MDN1: variants seen among roughly 807,000 people sequenced by gnomAD.
MDN1 encodes midasin.
A neutral mutation model predicts 669.2 loss-of-function variants in MDN1; 266 were observed. The observed-to-expected ratio is 0.40, with a 90% CI of 0.36 to 0.44. MDN1 has a LOEUF of 0.44. Ranked by LOEUF, MDN1 falls within the 20% of genes least tolerant of loss-of-function variation. The pLI is 1.00. For synonymous variants in MDN1, 2,385 were observed against 2,457.1 expected (o/e 0.97, Z 0.87); for missense variants, 5,940 against 6,754.0 (o/e 0.88, Z 4.22).
At chr6:89,744,566 C>T (rs1431004129) in intron 29 of MDN1, among the ~76,000 whole-genome samples, 1 of 152,020 alleles carries the variant, frequency 6.6e-6, no homozygotes, top group African/African-American at 2.4e-5. Flanking sequence ...ACACAACCAG[C>T]TAATTTTTGT....
intron 15 of MDN1, among the ~76,000 whole-genome samples, chr6:89,766,804 C>A (rs1282619087): frequency 6.6e-6 from 1 of 152,216 alleles, no homozygotes; most frequent in Non-Finnish European, 1.5e-5. Flanking sequence ...AAATTGCATG[C>A]TCCTGCCATA....
intron 64 of MDN1, 108 bp downstream of exon 64, chr6:89,690,561 AATAC>A: frequency 7.4e-7 from 1 of 1,355,400 alleles, no homozygotes; most frequent in South Asian, 1.4e-5. Flanking sequence ...CAGTCTCTAA[AATAC>A]ATACATACAG....
chr6:89,713,055 G>T, intron 47 of MDN1, 93 bp downstream of exon 47: 1 of 1,389,966 alleles, frequency 7.2e-7, no homozygotes. Context: ...AACTCTCTTA[G>T]GTCACTGGGT....
intron 11 of MDN1, among the ~76,000 whole-genome samples, chr6:89,778,777 T>G (rs1163966700): frequency 3.3e-5 from 5 of 151,464 alleles, no homozygotes; most frequent in African/African-American, 1.2e-4. Context: ...TCCCAGTTAC[T>G]CGGGAGGCTG....
At position 89,692,588 on chromosome 6, in the gene MDN1, C is replaced by T. The variant is rs1425167039; in HGVS notation, c.10442G>A (p.Gly3481Glu). ...CTGGCCCTTGCCTTCCAGCTCCTTTCCTCCTGAGCGCTTGAGGATTAGCTT... is the reference window on the plus strand; with the variant it reads ...CTGGCCCTTGCCTTCCAGCTCCTTTTCTCCTGAGCGCTTGAGGATTAGCTT... ...LGKLILKRSGGKELEGKGQKA... is the reference protein window; with the variant it reads ...LGKLILKRSGEKELEGKGQKA... The change falls in exon 63 of 102, where the codon GGA becomes GAA. Residue 3481 changes from glycine (G) to glutamate (E), a missense_variant. Gly to Glu is a moderately conservative substitution (Grantham distance 98). Around this residue, in one of 5 missense-constraint regions of MDN1, gnomAD observed 2,280 missense variants for 2,576.3 expected, o/e 0.88. Transcript: ENST00000369393. 1 of 1,614,250 alleles carries T rather than the reference C, an allele frequency of 6.2e-7. No homozygotes were observed. Among genetic ancestry groups the T allele is most frequent in the South Asian group, 1.1e-5 (1 of 91,082 alleles).
intron 8 of MDN1, 99 bp from the exon 9 acceptor site, chr6:89,785,225 A>G (rs1818896981): frequency 1.3e-6 from 1 of 769,664 alleles, no homozygotes; most frequent in African/African-American, 1.7e-5. Flanking sequence ...CTCACATAGG[A>G]AAAATATTCA....
chr6:89,756,203 TTG>T, intron 20 of MDN1, 72 bp downstream of exon 20: 1 of 632,884 alleles, frequency 1.6e-6, no homozygotes, highest in Non-Finnish European at 2.7e-6. Flanking sequence ...GAATACATAT[TTG>T]TGTGTGTGCA....
rs1584105546 is a variant in MDN1, at chr6:89,658,698, T to C, written c.14933A>G (p.Glu4978Gly). ...TTTTTCCTCCACAGACTGCTGCTGC[T>C]CCTCAGAGTGTTCTTCAGGATGCTG... ...AAQHPEEHSEEQQQSVEEKDK... is the reference protein window; with the variant it reads ...AAQHPEEHSEGQQQSVEEKDK... Residue 4978 changes from glutamate (E) to glycine (G), a missense_variant, in exon 89 of 102, where the codon GAG becomes GGG. Around this residue, in one of 5 missense-constraint regions of MDN1, gnomAD observed 2,280 missense variants for 2,576.3 expected, o/e 0.88. Coordinates refer to ENST00000369393, the MANE Select transcript of MDN1 (RefSeq NM_014611.3). 4 of 1,614,058 alleles carry C rather than the reference T, an allele frequency of 2.5e-6. No homozygotes were observed. The highest frequency in any genetic ancestry group is 1.1e-5 in the South Asian group (1 of 91,090).
At chr6:89,733,379 G>A (rs1478944093) in intron 33 of MDN1, among the ~76,000 whole-genome samples, 3 of 151,802 alleles carry the variant, frequency 2.0e-5, no homozygotes, top group African/African-American at 7.3e-5. Flanking sequence ...AAATACTTAA[G>A]TAGTATATAT....
intron 69 of MDN1, 77 bp from the exon 70 acceptor site, chr6:89,686,050 T>A (rs1811982066): frequency 6.9e-7 from 1 of 1,451,460 alleles, no homozygotes; most frequent in African/African-American, 1.4e-5. Flanking sequence ...CGCAATCTAT[T>A]TGGGATACTA....
At chr6:89,814,824 TC>T in intron 1 of MDN1, 1 of 476,196 alleles carries the variant, frequency 2.1e-6, no homozygotes, top group Non-Finnish European at 4.2e-6. Context: ...TGCAGACAGT[TC>T]CAAAGAAGGC....
At chr6:89,770,920 T>C (rs1379875450) in intron 15 of MDN1, among the ~76,000 whole-genome samples, 1 of 151,822 alleles carries the variant, frequency 6.6e-6, no homozygotes, top group Admixed American at 6.6e-5. Flanking sequence ...CCTCAAGTGT[T>C]CATTAAAATG....
chr6:89,658,530 A>G, intron 89 of MDN1, 80 bp downstream of exon 89: 2 of 1,538,010 alleles, frequency 1.3e-6, no homozygotes, highest in Non-Finnish European at 1.8e-6. Context: ...GAGTATCCTA[A>G]AAGGGATTCT....
At chr6:89,802,549 G>T (rs1767735537) in intron 2 of MDN1, among the ~76,000 whole-genome samples, 1 of 152,042 alleles carries the variant, frequency 6.6e-6, no homozygotes, top group South Asian at 2.1e-4. Flanking sequence ...TGGGCGTGGT[G>T]GTGTGCGCGC....
chr6:89,718,028 C>G lies in MDN1; in HGVS notation c.6583+338G>C, dbSNP rs559246073. Among the ~76,000 whole-genome samples the G allele has an allele frequency of 2.6e-5, 4 of 152,272 alleles. No homozygotes were observed. The East Asian group carries it at 7.7e-4, about 29-fold the overall frequency. On this transcript the variant is annotated intron_variant, in intron 43 of 101. Coordinates refer to ENST00000369393, the MANE Select transcript of MDN1 (RefSeq NM_014611.3). ...CATCCTATGAATTCAGACTCCTATT[C>G]TTCAGTTTAAAAATGCTCAATTTCC...
chr6:89,724,041 G>A (rs1815026174), intron 38 of MDN1, among the ~76,000 whole-genome samples: 1 of 152,060 alleles, frequency 6.6e-6, no homozygotes, highest in Non-Finnish European at 1.5e-5. Context: ...TACTCAGGAG[G>A]CTGAGGCAGG....
At chr6:89,774,554 G>GAGCT in intron 13 of MDN1, 67 bp downstream of exon 13, 5 of 1,156,606 alleles carry the variant, frequency 4.3e-6, no homozygotes, top group Non-Finnish European at 6.5e-6. Flanking sequence ...ACAAGAGGCT[G>GAGCT]AGCTAGACCT....
chr6:89,677,751 G>A, intron 75 of MDN1, 55 bp from the exon 76 acceptor site: 2 of 1,609,274 alleles, frequency 1.2e-6, no homozygotes, highest in Non-Finnish European at 1.7e-6. Flanking sequence ...GAATGGATGT[G>A]CCCCCCTCTC....
rs1279179622 is a variant in MDN1 at position 89,740,364 on chromosome 6, T to C, written c.4463A>G (p.Glu1488Gly). The stretch of plus-strand genomic sequence containing the variant: ...TTTTTCAGCTAATACCAGAGACTTT[T>C]CTACTTCAAGGACACTAAAAGAAAA... ...LERLNSVLEV[E>G]KSLVLAEKGS... is the part of the protein sequence containing the mutation. Residue 1488 changes from glutamate to glycine, a missense_variant, in exon 32 of 102, where the codon GAA becomes GGA. Transcript: ENST00000369393. 2 of 1,585,290 alleles carry C rather than the reference T, an allele frequency of 1.3e-6. No homozygotes were observed. Among genetic ancestry groups the C allele is most frequent in the East Asian group, 2.3e-5 (1 of 43,128 alleles).
Sources: allele counts gnomAD v4.1 joint callset (sites outside exome capture counted in the v4.1 genomes callset), GRCh38; gene constraint gnomAD v4.1.1; regional missense constraint gnomAD v4.1.1; transcripts MANE v1.5; gene names NCBI Gene and HGNC (gene_info 2026-07-23, HGNC 2026-07-21).